The following VAMP5 variants were observed in gnomAD, a reference collection of about 807,000 sequenced individuals.
VAMP5 encodes vesicle-associated membrane protein 5.
A neutral mutation model predicts 8.1 loss-of-function variants in VAMP5; 10 were observed. The ratio of observed to expected loss-of-function variants is 1.23; its 90% confidence interval spans 0.76 to 2.09. The LOEUF (loss-of-function observed/expected upper bound fraction) is 2.09, where lower values mean the gene tolerates loss of function less well. Ranked by LOEUF, VAMP5 falls within the 30% of genes most tolerant of loss-of-function variation. The pLI, the probability that VAMP5 is intolerant of heterozygous loss-of-function variation, is 0.00. For synonymous variants in VAMP5, 62 were observed against 60.6 expected, an observed-to-expected ratio of 1.02 and a Z score of -0.11; for missense variants, 135 against 152.5, an observed-to-expected ratio of 0.89 and a Z score of 0.60.
Position 85,584,507 on chromosome 2 carries a change from C to T in VAMP5, c.3+14C>T, listed in dbSNP as rs1672434772. 9 of 1,238,560 alleles carry T rather than the reference C, an allele frequency of 7.3e-6. No individual in the cohort carries two copies. The East Asian group carries it at 1.9e-4, about 26-fold the overall frequency. The allele number at this position is 1,238,560 out of a possible 1,614,324, so 76.7% of individuals were successfully genotyped here. ...GCAGCAGCGATGGTGAGGGCCCAGG[C>T]GGGGCCGGCCAGCCCTGCGACGGGC... On this transcript the variant is annotated intron_variant, in intron 1 of 2. Transcript: ENST00000306384.
rs1476996357 is a variant in VAMP5, at chr2:85,593,213, A to G, written c.*56A>G. 6.3e-7 allele frequency: 1 copy of G among 1,593,256 alleles called. No homozygotes were observed. The highest frequency in any genetic ancestry group is 8.6e-7 in the Non-Finnish European group (1 of 1,167,998). On this transcript the variant is annotated 3_prime_UTR_variant, in exon 3 of 3. Coordinates refer to ENST00000306384, the MANE Select transcript of VAMP5 (RefSeq NM_006634.3). ...GCTGCACTGGCCGATTCTGGTCTCC[A>G]GAGGACCTTGGTGTTTGCTCTCCCT...
intron 1 of VAMP5, among the ~76,000 whole-genome samples, chr2:85,589,387 T>C (rs1406057914): frequency 3.3e-5 from 5 of 152,166 alleles, no homozygotes; most frequent in Non-Finnish European, 7.3e-5. Flanking sequence ...AATGTGTTCT[T>C]TTAGGCCTGG....
chr2:85,588,135 AG>A (rs1402881205), intron 1 of VAMP5, among the ~76,000 whole-genome samples: 2 of 152,164 alleles, frequency 1.3e-5, no homozygotes, highest in Non-Finnish European at 2.9e-5. Context: ...GACTATGGGC[AG>A]GCACCACTTT....
intron 1 of VAMP5, among the ~76,000 whole-genome samples, chr2:85,587,261 ATTT>A (rs10594889): frequency 6.2e-5 from 9 of 145,500 alleles, no homozygotes; most frequent in African/African-American, 1.3e-4. Context: ...GTATTACACA[ATTT>A]TTTTTTTTTT....
chr2:85,591,440 C>A (rs1395738975), intron 1 of VAMP5, among the ~76,000 whole-genome samples: 1 of 152,068 alleles, frequency 6.6e-6, no homozygotes, highest in African/African-American at 2.4e-5. Context: ...GAAGATCCCA[C>A]CTTGGGACAG....
At chr2:85,587,655 T>C (rs1573349748) in intron 1 of VAMP5, among the ~76,000 whole-genome samples, 1 of 152,146 alleles carries the variant, frequency 6.6e-6, no homozygotes, top group South Asian at 2.1e-4. Context: ...GCATTTAGTA[T>C]GTGTCAGGCG....
intron 1 of VAMP5, among the ~76,000 whole-genome samples, chr2:85,591,234 G>T (rs1420322376): frequency 6.6e-6 from 1 of 152,226 alleles, no homozygotes; most frequent in African/African-American, 2.4e-5. Context: ...TATGATGTGT[G>T]CTGCTTCAAA....
chr2:85,591,448 C>A, intron 1 of VAMP5: 2 of 394,466 alleles, frequency 5.1e-6, no homozygotes, highest in Non-Finnish European at 9.3e-6. Context: ...CACCTTGGGA[C>A]AGCTTAGAGG....
intron 1 of VAMP5, among the ~76,000 whole-genome samples, chr2:85,588,000 T>C (rs996256645): frequency 6.6e-6 from 1 of 152,092 alleles, no homozygotes; most frequent in South Asian, 2.1e-4. Flanking sequence ...TGTTTCTTTG[T>C]TTTTTCTTGA....
At chr2:85,586,100 T>G (rs545308104) in intron 1 of VAMP5, among the ~76,000 whole-genome samples, 1 of 152,350 alleles carries the variant, frequency 6.6e-6, no homozygotes, top group East Asian at 1.9e-4. Context: ...GTTGGTAGCA[T>G]CAACCAGATT....
rs765885763 is a variant in VAMP5 at position 85,593,016 on chromosome 2, G to A, written c.210G>A (p.Arg70=). Residue 70 remains arginine, a synonymous_variant, in exon 3 of 3, where the codon CGG becomes CGA. Coordinates refer to ENST00000306384, the MANE Select transcript of VAMP5 (RefSeq NM_006634.3). Reference sequence around the variant, plus strand: ...AGTGCTGGGAGAACATCCGTTACCGGATCTGCGTGGGGCTGGTGGTGGTTG... The same window carrying A: ...AGTGCTGGGAGAACATCCGTTACCGAATCTGCGTGGGGCTGGTGGTGGTTG... ...QKKCWENIRY[R]ICVGLVVVGV... is the part of the protein sequence containing the mutation. 5.0e-6 allele frequency: 8 copies of A among 1,614,178 alleles called. No homozygotes were observed. The East Asian group carries it at 6.7e-5, about 13-fold the overall frequency.
At chr2:85,591,507 T>G (rs1177420857) in intron 1 of VAMP5, 2 of 622,798 alleles carry the variant, frequency 3.2e-6, no homozygotes. Flanking sequence ...AGGCCCTGCC[T>G]TGACGTGCAA....
intron 2 of VAMP5, among the ~76,000 whole-genome samples, chr2:85,592,172 G>T (rs983298941): frequency 1.3e-5 from 2 of 152,094 alleles, no homozygotes; most frequent in African/African-American, 4.8e-5. Flanking sequence ...AATCATATTT[G>T]CTGCAGCCTC....
In VAMP5 at chr2:85,592,944, G is replaced by T; in HGVS notation, c.142-4G>T. 2 of 1,613,460 alleles carry T rather than the reference G, an allele frequency of 1.2e-6. No individual in the cohort carries two copies. The highest frequency in any genetic ancestry group is 1.7e-6 in the Non-Finnish European group (2 of 1,180,002). The stretch of plus-strand genomic sequence containing the variant: ...TCCCACTTTGTGTCTGGGGGTATCC[G>T]CAGAGCTCAACCTTCAACAAGACTA... On this transcript the variant is annotated splice_region_variant and splice_polypyrimidine_tract_variant and intron_variant, in intron 2 of 2. Transcript: ENST00000306384.
Position 85,591,715 on chromosome 2 carries a change from T to C in VAMP5, c.4-10T>C. ...CCTCATGCAGCCCTGACCTCGGGCTTGGTGTCCAGGCAGGAATAGAGTTGG... is the reference window on the plus strand; with the variant it reads ...CCTCATGCAGCCCTGACCTCGGGCTCGGTGTCCAGGCAGGAATAGAGTTGG... On this transcript the variant is annotated splice_polypyrimidine_tract_variant and intron_variant, in intron 1 of 2. Transcript: ENST00000306384. 6.2e-7 allele frequency: 1 copy of C among 1,613,870 alleles called. No individual in the cohort carries two copies. The highest frequency in any genetic ancestry group is 8.5e-7 in the Non-Finnish European group (1 of 1,179,904).
intron 1 of VAMP5, 95 bp from the exon 2 acceptor site, chr2:85,591,630 C>A: frequency 6.4e-7 from 1 of 1,567,708 alleles, no homozygotes; most frequent in Non-Finnish European, 8.7e-7. Flanking sequence ...ATGCTGTACC[C>A]ACCTACAGGG....
chr2:85,589,271 G>T (rs1247684838), intron 1 of VAMP5, among the ~76,000 whole-genome samples: 2 of 152,186 alleles, frequency 1.3e-5, no homozygotes, highest in Non-Finnish European at 1.5e-5. Context: ...TTCTCACAGT[G>T]CCAGCAGAGA....
intron 2 of VAMP5, 138 bp from the exon 3 acceptor site, chr2:85,592,810 A>AAAAAAAAAAAAAAAG: frequency 1.2e-6 from 1 of 815,976 alleles, no homozygotes; most frequent in Non-Finnish European, 1.9e-6. Context: ...CAAAAAAAAA[A>AAAAAAAAAAAAAAAG]AAAAAAGAAA....
chr2:85,591,378 A>T (rs1439184444), intron 1 of VAMP5, among the ~76,000 whole-genome samples: 1 of 152,138 alleles, frequency 6.6e-6, no homozygotes, highest in Non-Finnish European at 1.5e-5. Context: ...GGTAGACGCC[A>T]TTCTGGAGCA....
Sources: allele counts gnomAD v4.1 joint callset (sites outside exome capture counted in the v4.1 genomes callset), GRCh38; gene constraint gnomAD v4.1.1; transcripts MANE v1.5; gene names NCBI Gene and HGNC (gene_info 2026-07-23, HGNC 2026-07-21).